Variants in SLIT3 observed in about 807,000 individuals in gnomAD.
SLIT3 encodes the protein slit guidance ligand 3, also known as slit homolog 3 protein.
In SLIT3, 68 loss-of-function variants were observed where a neutral mutation model predicts 184.0. The ratio of observed to expected loss-of-function variants is 0.37; its 90% CI spans 0.30 to 0.45. The LOEUF (loss-of-function observed/expected upper bound fraction) is 0.45, where lower values mean the gene tolerates loss of function less well. Among genes scored for constraint, SLIT3 ranks in the 20% least tolerant of loss-of-function variants. The pLI is 1.00. For missense variants in SLIT3, 1,707 were observed against 2,026.0 expected, an observed-to-expected ratio of 0.84 and a Z score of 3.02; for synonymous variants, 831 against 828.6, an observed-to-expected ratio of 1.00 and a Z score of -0.05.
intron 1 of SLIT3, among the ~76,000 whole-genome samples, chr5:169,255,739 C>T (rs1414760099): frequency 4.6e-5 from 7 of 151,960 alleles, no homozygotes; most frequent in African/African-American, 7.2e-5. Context: ...AAAAATTAGC[C>T]GAGCGTGGTG....
In SLIT3 at chr5:168,892,866, T is replaced by A. The variant is rs983318422; in HGVS notation, c.414-9530A>T. On this transcript the variant is annotated intron_variant, in intron 4 of 35. Coordinates refer to ENST00000519560, the MANE Select transcript of SLIT3 (RefSeq NM_003062.4). ...ACTAATCCCTGGGATTATCTCAATT[T>A]AGCGACAAGGCAGTTAGTTACATTA... Among the ~76,000 whole-genome samples, 5 of 152,226 alleles carry A rather than the reference T, an allele frequency of 3.3e-5. No homozygotes were observed. In the East Asian group the frequency reaches 9.6e-4, roughly 29 times the overall value.
At chr5:168,964,659 T>C (rs1466383746) in intron 4 of SLIT3, among the ~76,000 whole-genome samples, 1 of 152,216 alleles carries the variant, frequency 6.6e-6, no homozygotes, top group East Asian at 1.9e-4. Context: ...GGTCACCTAA[T>C]AGAATTTGTT....
intron 4 of SLIT3, among the ~76,000 whole-genome samples, chr5:168,931,823 C>T (rs1761995806): frequency 6.6e-6 from 1 of 152,196 alleles, no homozygotes; most frequent in African/African-American, 2.4e-5. Flanking sequence ...ATATTCTGTC[C>T]TGAGTTGACT....
intron 9 of SLIT3, among the ~76,000 whole-genome samples, chr5:168,803,200 G>T (rs1475040792): frequency 6.6e-6 from 1 of 152,214 alleles, no homozygotes; most frequent in Non-Finnish European, 1.5e-5. Flanking sequence ...AACACACAGA[G>T]ACTACTCTGT....
At chr5:169,195,129 A>C (rs1307552818) in intron 3 of SLIT3, among the ~76,000 whole-genome samples, 2 of 152,174 alleles carry the variant, frequency 1.3e-5, no homozygotes, top group Non-Finnish European at 2.9e-5. Flanking sequence ...TGAGAGCTAA[A>C]GCTAACTAAG....
At chr5:169,230,629 A>G (rs1764971744) in intron 3 of SLIT3, among the ~76,000 whole-genome samples, 1 of 152,156 alleles carries the variant, frequency 6.6e-6, no homozygotes, top group African/African-American at 2.4e-5. Flanking sequence ...TCCGCATTAA[A>G]ATTTCATGAA....
chr5:169,215,288 C>T (rs1394587235), intron 3 of SLIT3, among the ~76,000 whole-genome samples: 1 of 152,166 alleles, frequency 6.6e-6, no homozygotes, highest in African/African-American at 2.4e-5. Flanking sequence ...TTTTCCTTCT[C>T]CTCTACTTTA....
intron 5 of SLIT3, among the ~76,000 whole-genome samples, chr5:168,872,602 TA>T (rs1469712769): frequency 1.4e-5 from 2 of 142,270 alleles, no homozygotes; most frequent in African/African-American, 5.5e-5. Flanking sequence ...TTTTTTTTTT[TA>T]AAGTTCGTAC....
intron 4 of SLIT3, among the ~76,000 whole-genome samples, chr5:168,979,816 C>A (rs1461907813): frequency 6.6e-6 from 1 of 152,210 alleles, no homozygotes; most frequent in Non-Finnish European, 1.5e-5. Flanking sequence ...CCACATATAG[C>A]TTGCCTGCCC....
At chr5:168,819,808 G>T (rs1226901184) in intron 7 of SLIT3, among the ~76,000 whole-genome samples, 3 of 152,102 alleles carry the variant, frequency 2.0e-5, no homozygotes, top group Non-Finnish European at 2.9e-5. Context: ...TCTTAATCTT[G>T]ATACAGATAG....
At chr5:168,829,785 C>T (rs1013828430) in intron 6 of SLIT3, among the ~76,000 whole-genome samples, 3 of 152,176 alleles carry the variant, frequency 2.0e-5, no homozygotes, top group East Asian at 3.9e-4. Context: ...GTCCTGTGGC[C>T]GGACCCTGTG....
intron 4 of SLIT3, among the ~76,000 whole-genome samples, chr5:168,973,319 C>T (rs1319925305): frequency 2.0e-5 from 3 of 152,186 alleles, no homozygotes; most frequent in Admixed American, 2.0e-4. Context: ...GCTATCTCGG[C>T]TCACTGCAAC....
intron 4 of SLIT3, among the ~76,000 whole-genome samples, chr5:168,929,148 A>T (rs1761915971): frequency 1.3e-5 from 2 of 152,228 alleles, no homozygotes; most frequent in African/African-American, 4.8e-5. Flanking sequence ...CAAGGCTAGT[A>T]GAGCTTGGGT....
At chr5:168,844,676 G>C (rs1561963951) in intron 5 of SLIT3, 21 bp from the exon 6 acceptor site, 1 of 1,613,372 alleles carries the variant, frequency 6.2e-7, no homozygotes, top group Non-Finnish European at 8.5e-7. Context: ...GCAGGGGAGA[G>C]CATGAAGGCT....
At chr5:168,875,121 G>C (rs746876621) in intron 5 of SLIT3, among the ~76,000 whole-genome samples, 1 of 148,864 alleles carries the variant, frequency 6.7e-6, no homozygotes, top group African/African-American at 2.5e-5. Flanking sequence ...GAAAAGGAGG[G>C]AGGGAGAAAG....
intron 4 of SLIT3, among the ~76,000 whole-genome samples, chr5:169,177,615 T>A (rs1407669001): frequency 2.6e-5 from 4 of 152,166 alleles, no homozygotes; most frequent in African/African-American, 9.7e-5. Flanking sequence ...GGATTCTAAG[T>A]ACCAGGCTGG....
chr5:169,173,741 G>T (rs1282355866), intron 4 of SLIT3, among the ~76,000 whole-genome samples: 1 of 152,244 alleles, frequency 6.6e-6, no homozygotes, highest in Non-Finnish European at 1.5e-5. Flanking sequence ...CTCTAGGCCT[G>T]ACTTTGGGCT....
At chr5:169,058,076 T>C (rs890715978) in intron 4 of SLIT3, among the ~76,000 whole-genome samples, 1 of 152,232 alleles carries the variant, frequency 6.6e-6, no homozygotes, top group East Asian at 1.9e-4. Context: ...TTTCCTACAG[T>C]GTCAAATGAG....
intron 5 of SLIT3, among the ~76,000 whole-genome samples, chr5:168,850,709 T>G (rs1237604684): frequency 6.6e-6 from 1 of 152,208 alleles, no homozygotes; most frequent in Non-Finnish European, 1.5e-5. Context: ...TATGCATACT[T>G]TGCCACATAG....
Sources: gnomAD v4.1 joint callset for allele counts (sites outside exome capture counted in the v4.1 genomes callset) on GRCh38, gnomAD v4.1.1 for gene constraint, MANE v1.5 for transcripts, NCBI Gene and HGNC (gene_info 2026-07-23, HGNC 2026-07-21) for gene names.